The following GAD2 variants were observed in gnomAD, a reference collection of about 807,000 sequenced individuals.
The protein encoded by GAD2 is glutamate decarboxylase 2.
A neutral mutation model predicts 80.1 loss-of-function variants in GAD2; 22 were observed. That is an observed-to-expected ratio of 0.27 (90% confidence interval 0.20 to 0.39). GAD2 has a LOEUF of 0.39. GAD2 is among the 10% of genes least tolerant of loss of function. GAD2 has a pLI of 1.00. For missense variants in GAD2, 624 were observed against 738.4 expected, an observed-to-expected ratio of 0.85 and a Z score of 1.80; for synonymous variants, 274 against 256.9, an observed-to-expected ratio of 1.07 and a Z score of -0.64.
At chr10:26,294,621 G>T (rs907924436) in intron 15 of GAD2, among the ~76,000 whole-genome samples, 3 of 152,140 alleles carry the variant, frequency 2.0e-5, no homozygotes, top group African/African-American at 7.2e-5. Context: ...TGATCTAGAG[G>T]AAAAAATGGA....
At position 26,269,186 on chromosome 10, in the gene GAD2, CG is replaced by C. The variant is rs1458737111; in HGVS notation, c.975+16del. Reference sequence around the variant, plus strand: ...AGCCAAACAGAAAGTAAGTTTCTGCCGGGAGCTTTATCCAGCCCATATTTCT... The same window carrying C: ...AGCCAAACAGAAAGTAAGTTTCTGCCGGAGCTTTATCCAGCCCATATTTCT... On this transcript the variant is annotated intron_variant, in intron 9 of 15. Transcript: ENST00000376261. 4 of 1,585,826 alleles carry C rather than the reference CG, an allele frequency of 2.5e-6. No homozygotes were observed. The African/African-American group carries it at 4.0e-5, about 16-fold the overall frequency.
chr10:26,267,333 T>C (rs952008603), intron 8 of GAD2, among the ~76,000 whole-genome samples: 1 of 152,254 alleles, frequency 6.6e-6, no homozygotes, highest in Non-Finnish European at 1.5e-5. Context: ...TTCTCAGAAA[T>C]TTGAACTTTT....
At chr10:26,267,090 A>T (rs922468800) in intron 8 of GAD2, among the ~76,000 whole-genome samples, 1 of 152,230 alleles carries the variant, frequency 6.6e-6, no homozygotes, top group Non-Finnish European at 1.5e-5. Context: ...ATACTTAAAA[A>T]AAGTTAAGTA....
chr10:26,245,873 C>A (rs201641930), intron 7 of GAD2, 48 bp from the exon 8 acceptor site: 7 of 1,414,702 alleles, frequency 4.9e-6, no homozygotes, highest in Non-Finnish European at 7.0e-6. Flanking sequence ...TGGAATGGAT[C>A]TTGTCTGTAT....
In GAD2 at chr10:26,217,892, C is replaced by G. The variant is rs768892863; in HGVS notation, c.187C>G (p.Pro63Ala). ...GCCGGCGGAGAGCGGCGGGAGCCAA[C>G]CCCCGCGGGCCGCCGCCCGGAAGGC... ...EKPAESGGSQ[P>A]PRAAARKAAC... The change falls in exon 3 of 16, where the codon CCC becomes GCC. Residue 63 changes from proline to alanine, a missense_variant. Transcript: ENST00000376261. The surrounding 1 kb of genome is among the most constrained non-coding windows in gnomAD (Gnocchi z 4.9). 37 of 1,606,122 alleles carry G rather than the reference C, an allele frequency of 2.3e-5. No individual in the cohort carries two copies. Among genetic ancestry groups the G allele is most frequent in the Non-Finnish European group, 3.1e-5 (36 of 1,176,614 alleles).
chr10:26,301,539 C>T lies in GAD2; in HGVS notation c.*578C>T, dbSNP rs373275167. 5 of 151,778 alleles carry T rather than the reference C, an allele frequency of 3.3e-5. No individual in the cohort carries two copies. The highest frequency in any genetic ancestry group is 9.7e-5 in the African/African-American group (4 of 41,334). 9.4% of individuals were successfully genotyped at this position (151,778 alleles called of 1,614,324 possible). A position where few individuals can be genotyped will look rare whatever the true frequency, so the allele number is the denominator to read the frequency against. ...TATTTTATATAGGTTATACAAACTG[C>T]GGGGGCAGATATAAAATCTAAGCCA... On this transcript the variant is annotated 3_prime_UTR_variant, in exon 16 of 16. Transcript: ENST00000376261.
intron 7 of GAD2, among the ~76,000 whole-genome samples, chr10:26,233,351 C>T (rs150640882): frequency 6.6e-6 from 1 of 152,248 alleles, no homozygotes; most frequent in Non-Finnish European, 1.5e-5. Flanking sequence ...AATGTGAAAC[C>T]GATGCTAATT....
In GAD2 at chr10:26,281,042, G is replaced by T. The variant is rs1366667416; in HGVS notation, c.1191G>T (p.Met397Ile). Residue 397 changes from methionine (M) to isoleucine (I), a missense_variant, in exon 12 of 16, where the codon ATG becomes ATT. Met to Ile is a conservative substitution (Grantham distance 10). Coordinates refer to ENST00000376261, the MANE Select transcript of GAD2 (RefSeq NM_001134366.2). ...ANSVTWNPHK[M>I]MGVPLQCSAL... is the part of the protein sequence containing the mutation. The stretch of plus-strand genomic sequence containing the variant: ...CTGTGACGTGGAATCCACACAAGAT[G>T]ATGGGAGTCCCTTTGCAGTGCTCTG... 3.1e-6 allele frequency: 5 copies of T among 1,613,870 alleles called. No homozygotes were observed. In the South Asian group the frequency reaches 5.5e-5, roughly 18 times the overall value.
At chr10:26,287,374 A>C (rs1198490154) in intron 13 of GAD2, among the ~76,000 whole-genome samples, 1 of 152,218 alleles carries the variant, frequency 6.6e-6, no homozygotes, top group African/African-American at 2.4e-5. Context: ...AATAACAGAG[A>C]GAGTCTCTCT....
chr10:26,284,717 AC>A (rs1435271950), intron 12 of GAD2, among the ~76,000 whole-genome samples: 1 of 151,612 alleles, frequency 6.6e-6, no homozygotes, highest in Non-Finnish European at 1.5e-5. Flanking sequence ...AACTACAGGC[AC>A]CCACCACCGC....
chr10:26,253,396 T>A (rs1043152012), intron 8 of GAD2, among the ~76,000 whole-genome samples: 1 of 152,234 alleles, frequency 6.6e-6, no homozygotes, highest in African/African-American at 2.4e-5. Context: ...ATTAGTGGAA[T>A]CTAGATTCAT....
chr10:26,287,477 G>A (rs1589153473), intron 13 of GAD2, among the ~76,000 whole-genome samples: 1 of 152,112 alleles, frequency 6.6e-6, no homozygotes, highest in East Asian at 1.9e-4. Flanking sequence ...GGTAAAGGAA[G>A]GCAAAAGTTT....
intron 10 of GAD2, among the ~76,000 whole-genome samples, chr10:26,271,702 T>G (rs947416550): frequency 6.6e-6 from 1 of 152,210 alleles, no homozygotes; most frequent in African/African-American, 2.4e-5. Flanking sequence ...ATAACAATGA[T>G]CTAGCCCTGG....
intron 8 of GAD2, among the ~76,000 whole-genome samples, chr10:26,250,490 C>T (rs1226838754): frequency 1.3e-5 from 2 of 151,806 alleles, no homozygotes; most frequent in African/African-American, 4.8e-5. Flanking sequence ...TGCTCATAAG[C>T]TTTGTGGGAT....
chr10:26,256,963 G>A (rs1039776906), intron 8 of GAD2, among the ~76,000 whole-genome samples: 1 of 152,128 alleles, frequency 6.6e-6, no homozygotes, highest in African/African-American at 2.4e-5. Flanking sequence ...TTCTAACTCC[G>A]TCATTCCTTC....
intron 7 of GAD2, among the ~76,000 whole-genome samples, chr10:26,239,637 T>A (rs1230065959): frequency 1.3e-5 from 2 of 152,212 alleles, no homozygotes; most frequent in African/African-American, 4.8e-5. Context: ...TGAACTAATA[T>A]TAGAAATAGT....
chr10:26,241,585 T>C (rs969798683), intron 7 of GAD2, among the ~76,000 whole-genome samples: 4 of 152,024 alleles, frequency 2.6e-5, no homozygotes, highest in African/African-American at 9.7e-5. Flanking sequence ...TGTCTTTTAT[T>C]TCAAAAACGG....
At chr10:26,275,116 G>T (rs1221246334) in intron 11 of GAD2, among the ~76,000 whole-genome samples, 1 of 152,184 alleles carries the variant, frequency 6.6e-6, no homozygotes, top group African/African-American at 2.4e-5. Context: ...TAAGGAAGAG[G>T]CAATGAAGTA....
intron 6 of GAD2, among the ~76,000 whole-genome samples, chr10:26,225,295 C>T (rs562080128): frequency 1.3e-5 from 2 of 152,340 alleles, no homozygotes; most frequent in East Asian, 3.9e-4. Flanking sequence ...TTCTAAGCTC[C>T]ATTACTTAGA....
Sources: allele counts gnomAD v4.1 joint callset (sites outside exome capture counted in the v4.1 genomes callset), GRCh38; gene constraint gnomAD v4.1.1; non-coding constraint Gnocchi (gnomAD v3.1); transcripts MANE v1.5; gene names NCBI Gene and HGNC (gene_info 2026-07-23, HGNC 2026-07-21).